SETBP1: variants seen among roughly 807,000 people sequenced by gnomAD.
The protein encoded by SETBP1 is SET binding protein 1.
In SETBP1, 9 loss-of-function variants were observed where a neutral mutation model predicts 101.0. The ratio of observed to expected loss-of-function variants is 0.09; its 90% CI spans 0.05 to 0.16. The LOEUF is 0.16. Ranked by LOEUF, SETBP1 falls within the 10% of genes least tolerant of loss-of-function variation. The pLI, the probability that SETBP1 is intolerant of heterozygous loss-of-function variation, is 1.00. For synonymous variants in SETBP1, 818 were observed against 788.5 expected, an observed-to-expected ratio of 1.04 and a Z score of -0.63; for missense variants, 1,858 against 2,033.8, an observed-to-expected ratio of 0.91 and a Z score of 1.66.
At chr18:44,733,411 G>A (rs528706939) in intron 2 of SETBP1, 11 of 152,258 alleles carry the variant, frequency 7.2e-5, no homozygotes, top group East Asian at 1.9e-4. Context: ...CCTGTCTTCC[G>A]GCCTGTCTCT....
chr18:45,018,981 C>T (rs1161185286), intron 4 of SETBP1, among the ~76,000 whole-genome samples: 1 of 152,136 alleles, frequency 6.6e-6, no homozygotes, highest in Non-Finnish European at 1.5e-5. Flanking sequence ...AGAGTATAGA[C>T]TCCTAATGAG....
rs368169185 is a variant in SETBP1, at chr18:44,799,342, G to A, written c.487-69888G>A. ...CCTATGCATGCCCCACCTAAACTTG[G>A]CCTTGTTCTGAAGTCAGATCAAGTA... On this transcript the variant is annotated intron_variant, in intron 2 of 5. Transcript: ENST00000649279. 4.1e-4 allele frequency among the ~76,000 whole-genome samples: 62 copies of A among 151,918 alleles called. 1 individual carries two copies. The highest frequency in any genetic ancestry group is 1.4e-3 in the African/African-American group (59 of 41,354).
intron 1 of SETBP1, among the ~76,000 whole-genome samples, chr18:44,692,458 G>C (rs1380781065): frequency 6.6e-6 from 1 of 152,186 alleles, no homozygotes; most frequent in African/African-American, 2.4e-5. Flanking sequence ...TTTTTAAGGA[G>C]AAACATGGCT....
intron 4 of SETBP1, among the ~76,000 whole-genome samples, chr18:45,005,770 T>G (rs959632643): frequency 1.4e-5 from 2 of 143,020 alleles, no homozygotes; most frequent in Non-Finnish European, 1.5e-5. Context: ...CTGCAGCCTC[T>G]CAAGTAACTG....
At chr18:44,701,087 C>G (rs746109410) in intron 1 of SETBP1, 88 bp from the exon 2 acceptor site, 1 of 376,108 alleles carries the variant, frequency 2.7e-6, no homozygotes, top group Admixed American at 4.1e-5. Flanking sequence ...GCCATAGATA[C>G]GTGGAAGGGG....
intron 4 of SETBP1, among the ~76,000 whole-genome samples, chr18:45,018,943 A>C (rs1411245423): frequency 6.6e-6 from 1 of 152,196 alleles, no homozygotes; most frequent in Non-Finnish European, 1.5e-5. Flanking sequence ...GACAATGGAG[A>C]GGAGGCACTG....
intron 5 of SETBP1, among the ~76,000 whole-genome samples, chr18:45,062,736 G>T (rs2073908861): frequency 6.6e-6 from 1 of 152,136 alleles, no homozygotes; most frequent in South Asian, 2.1e-4. Context: ...TTTATATTGT[G>T]ATTCTGCCAT....
intron 4 of SETBP1, among the ~76,000 whole-genome samples, chr18:44,982,465 G>C (rs2072136110): frequency 6.6e-6 from 1 of 152,162 alleles, no homozygotes; most frequent in Non-Finnish European, 1.5e-5. Context: ...TTATGGCTCT[G>C]GTTCGACTTG....
At chr18:44,684,966 A>C (rs1282928359) in intron 1 of SETBP1, among the ~76,000 whole-genome samples, 1 of 152,138 alleles carries the variant, frequency 6.6e-6, no homozygotes, top group Non-Finnish European at 1.5e-5. Flanking sequence ...TTATTTTTTA[A>C]TGGCCGTTAG....
chr18:44,877,370 C>T, intron 3 of SETBP1: 1 of 978,340 alleles, frequency 1.0e-6, no homozygotes, highest in Non-Finnish European at 1.2e-6. Context: ...TTCTAGTTAA[C>T]CAACACTGAG....
chr18:44,947,706 A>G (rs968342352), intron 3 of SETBP1, among the ~76,000 whole-genome samples: 1 of 152,030 alleles, frequency 6.6e-6, no homozygotes, highest in Non-Finnish European at 1.5e-5. Context: ...AGGTTTCTCC[A>G]TGTTGGTCAG....
intron 2 of SETBP1, among the ~76,000 whole-genome samples, chr18:44,867,024 G>A (rs1354686090): frequency 6.6e-6 from 1 of 152,154 alleles, no homozygotes; most frequent in East Asian, 1.9e-4. Flanking sequence ...AGAGGAAAAA[G>A]CATGAGCTTT....
chr18:44,996,854 T>C (rs1408492079), intron 4 of SETBP1, among the ~76,000 whole-genome samples: 10 of 152,028 alleles, frequency 6.6e-5, no homozygotes, highest in African/African-American at 9.7e-5. Context: ...AAGGAAAAGA[T>C]ATGAGGCTAG....
chr18:45,000,793 A>AACACACACACACACACACAC (rs113870439), intron 4 of SETBP1, among the ~76,000 whole-genome samples: 6 of 146,702 alleles, frequency 4.1e-5, no homozygotes, highest in Admixed American at 2.0e-4. Context: ...GAATGCACAC[A>AACACACACACACACACACAC]ACACACACAC....
At chr18:44,975,597 T>C (rs1305418101) in intron 4 of SETBP1, among the ~76,000 whole-genome samples, 3 of 152,106 alleles carry the variant, frequency 2.0e-5, no homozygotes, top group African/African-American at 7.2e-5. Context: ...TTGTTAGGTG[T>C]TCTGTGAAAA....
intron 2 of SETBP1, among the ~76,000 whole-genome samples, chr18:44,800,452 C>G (rs1033458668): frequency 9.9e-5 from 15 of 152,166 alleles, no homozygotes; most frequent in African/African-American, 3.6e-4. Context: ...TGGTGGCCTT[C>G]CGAGCACGGA....
intron 2 of SETBP1, among the ~76,000 whole-genome samples, chr18:44,865,289 G>T (rs189935307): frequency 3.9e-5 from 6 of 152,108 alleles, no homozygotes; most frequent in Non-Finnish European, 5.9e-5. Context: ...AACTGAAGTC[G>T]CATACAAGAA....
chr18:44,773,660 A>C (rs1258348283), intron 2 of SETBP1, among the ~76,000 whole-genome samples: 1 of 152,144 alleles, frequency 6.6e-6, no homozygotes, highest in Non-Finnish European at 1.5e-5. Flanking sequence ...ATAACACCCA[A>C]ACCAAAACAA....
chr18:44,736,925 G>T (rs1449441240), intron 2 of SETBP1, among the ~76,000 whole-genome samples: 2 of 152,162 alleles, frequency 1.3e-5, no homozygotes, highest in Non-Finnish European at 2.9e-5. Flanking sequence ...TGTCCTCTGT[G>T]CTCACTCTCT....
Sources: gnomAD v4.1 joint callset for allele counts (sites outside exome capture counted in the v4.1 genomes callset) on GRCh38, gnomAD v4.1.1 for gene constraint, MANE v1.5 for transcripts, NCBI Gene and HGNC (gene_info 2026-07-23, HGNC 2026-07-21) for gene names.